KCND2: variants seen among roughly 807,000 people sequenced by gnomAD.
KCND2 encodes the protein A-type voltage-gated potassium channel KCND2.
In KCND2, 16 loss-of-function variants were observed where a neutral mutation model predicts 54.4. The observed-to-expected ratio is 0.29, with a 90% CI of 0.20 to 0.45. The LOEUF (loss-of-function observed/expected upper bound fraction) is 0.45. Among genes scored for constraint, KCND2 ranks in the 20% least tolerant of loss-of-function variants. The pLI is 1.00. For missense variants in KCND2, 486 were observed against 824.2 expected (o/e 0.59, Z 5.02); for synonymous variants, 317 against 310.7 (o/e 1.02, Z -0.21).
chr7:120,654,636 A>G (rs1276299520), intron 1 of KCND2, among the ~76,000 whole-genome samples: 1 of 152,204 alleles, frequency 6.6e-6, no homozygotes, highest in Non-Finnish European at 1.5e-5. Context: ...TTGTATATGT[A>G]ATGCATGTTC....
chr7:120,346,576 T>C (rs1800320243), intron 1 of KCND2, among the ~76,000 whole-genome samples: 1 of 152,168 alleles, frequency 6.6e-6, no homozygotes, highest in East Asian at 1.9e-4. Flanking sequence ...CGATTAACTT[T>C]TCAGAAAATG....
At chr7:120,514,660 G>T (rs939733251) in intron 1 of KCND2, among the ~76,000 whole-genome samples, 1 of 151,888 alleles carries the variant, frequency 6.6e-6, no homozygotes, top group African/African-American at 2.4e-5. Flanking sequence ...AACCTTTTTG[G>T]CACTAGGGAC....
rs147186735 is a variant in KCND2 at position 120,656,636 on chromosome 7, A to G, written c.1116-76267A>G. ...TGTAACACTCAAGTGATATTTATCT[A>G]TGAGGTGTATCCATTTTATGGTTCC... On this transcript the variant is annotated intron_variant, in intron 1 of 5. Coordinates refer to ENST00000331113, the MANE Select transcript of KCND2 (RefSeq NM_012281.3). Among the ~76,000 whole-genome samples, 256 of 152,354 alleles carry G rather than the reference A, an allele frequency of 1.7e-3. 3 individuals are homozygous for G. Among genetic ancestry groups the G allele is most frequent in the African/African-American group, 5.8e-3 (243 of 41,580 alleles).
intron 1 of KCND2, among the ~76,000 whole-genome samples, chr7:120,659,093 T>G (rs2116557007): frequency 6.6e-6 from 1 of 152,264 alleles, no homozygotes; most frequent in South Asian, 2.1e-4. Context: ...AAGTCCTGGG[T>G]GCCTAAAATT....
chr7:120,277,355 G>GGTTTGTTT (rs1799191234), intron 1 of KCND2, among the ~76,000 whole-genome samples: 1 of 151,984 alleles, frequency 6.6e-6, no homozygotes, highest in African/African-American at 2.4e-5. Context: ...TTATCAAAGA[G>GGTTTGTTT]GTTTGTTTTT....
chr7:120,579,333 G>A (rs951463450), intron 1 of KCND2, among the ~76,000 whole-genome samples: 2 of 151,830 alleles, frequency 1.3e-5, no homozygotes, highest in Admixed American at 6.6e-5. Context: ...GTCTGGGCAC[G>A]GTGGCTCATG....
intron 1 of KCND2, among the ~76,000 whole-genome samples, chr7:120,604,208 A>G (rs1177708785): frequency 1.3e-5 from 2 of 152,114 alleles, no homozygotes; most frequent in East Asian, 3.9e-4. Flanking sequence ...TGCTTTCATA[A>G]TTTTAAACTA....
intron 1 of KCND2, among the ~76,000 whole-genome samples, chr7:120,480,535 C>T (rs1304827242): frequency 2.6e-5 from 4 of 152,098 alleles, no homozygotes; most frequent in African/African-American, 9.7e-5. Flanking sequence ...ATTCTTTTAC[C>T]ACACTGAAGA....
intron 1 of KCND2, among the ~76,000 whole-genome samples, chr7:120,539,425 A>T (rs987507738): frequency 3.3e-5 from 5 of 152,198 alleles, no homozygotes; most frequent in Admixed American, 3.3e-4. Flanking sequence ...TGCAATGCAC[A>T]TGATAGAAAA....
At chr7:120,346,014 A>C (rs2116374268) in intron 1 of KCND2, among the ~76,000 whole-genome samples, 1 of 152,202 alleles carries the variant, frequency 6.6e-6, no homozygotes, top group Middle Eastern at 3.4e-3. Flanking sequence ...TTGTTATTTT[A>C]TGTTTTTCTG....
At chr7:120,522,518 A>T (rs1027128454) in intron 1 of KCND2, among the ~76,000 whole-genome samples, 2 of 152,158 alleles carry the variant, frequency 1.3e-5, no homozygotes, top group Non-Finnish European at 2.9e-5. Flanking sequence ...GACTTCTCAC[A>T]TCCTCTCTTT....
chr7:120,369,381 A>G (rs1351399918), intron 1 of KCND2, among the ~76,000 whole-genome samples: 1 of 152,068 alleles, frequency 6.6e-6, no homozygotes, highest in Non-Finnish European at 1.5e-5. Context: ...TCTTCAAAAA[A>G]CAACAGCTTG....
At chr7:120,380,783 A>G (rs1002175928) in intron 1 of KCND2, among the ~76,000 whole-genome samples, 1 of 152,042 alleles carries the variant, frequency 6.6e-6, no homozygotes, top group Non-Finnish European at 1.5e-5. Context: ...CCAAAACCCA[A>G]ACTGAGCCTG....
intron 1 of KCND2, among the ~76,000 whole-genome samples, chr7:120,344,282 C>T (rs1800281151): frequency 6.6e-6 from 1 of 152,088 alleles, no homozygotes. Context: ...GTACCGCCTA[C>T]TCAGAACTGA....
rs1163588381 is a variant in KCND2, at chr7:120,377,562, A to AG, written c.1115+101816dup. On this transcript the variant is annotated intron_variant, in intron 1 of 5. Coordinates refer to ENST00000331113, the MANE Select transcript of KCND2 (RefSeq NM_012281.3). ...GTCATTTCTCATTTCCCTCACCCCA[A>AG]GAAAAAAAAAAGAGTATATAGTGTT... is the stretch of plus-strand genomic sequence containing the variant. 1.3e-4 allele frequency among the ~76,000 whole-genome samples: 7 copies of AG among 53,808 alleles called. No individual in the cohort carries two copies. In the East Asian group the frequency reaches 5.9e-3, roughly 46 times the overall value. The allele number at this position is 53,808 out of a possible 152,430, so 35.3% of individuals were successfully genotyped here.
chr7:120,449,223 G>A (rs1802065076), intron 1 of KCND2, among the ~76,000 whole-genome samples: 1 of 151,948 alleles, frequency 6.6e-6, no homozygotes, highest in Non-Finnish European at 1.5e-5. Context: ...TAGCTACTCG[G>A]GAGGCTGAGG....
At chr7:120,533,921 G>A (rs1011550793) in intron 1 of KCND2, among the ~76,000 whole-genome samples, 33 of 152,148 alleles carry the variant, frequency 2.2e-4, no homozygotes, top group Non-Finnish European at 4.3e-4. Flanking sequence ...TCAGAGAATG[G>A]TGAGGCCAAG....
At chr7:120,486,126 A>G (rs539164930) in intron 1 of KCND2, among the ~76,000 whole-genome samples, 17 of 152,308 alleles carry the variant, frequency 1.1e-4, no homozygotes, top group African/African-American at 4.1e-4. Flanking sequence ...AATTAATACT[A>G]GGGATTTTTG....
At chr7:120,522,523 C>T (rs1248770828) in intron 1 of KCND2, among the ~76,000 whole-genome samples, 2 of 152,164 alleles carry the variant, frequency 1.3e-5, no homozygotes, top group African/African-American at 4.8e-5. Flanking sequence ...CTCACATCCT[C>T]TCTTTTCTTT....
Sources: gnomAD v4.1 joint callset for allele counts (sites outside exome capture counted in the v4.1 genomes callset) on GRCh38, gnomAD v4.1.1 for gene constraint, MANE v1.5 for transcripts, NCBI Gene and HGNC (gene_info 2026-07-23, HGNC 2026-07-21) for gene names.